The following TRIM55 variants were observed in gnomAD, a reference collection of about 807,000 sequenced individuals.
TRIM55 encodes tripartite motif-containing protein 55.
In TRIM55, 50 loss-of-function variants were observed where a neutral mutation model predicts 60.9. That is an observed-to-expected ratio of 0.82 (90% CI 0.65 to 1.04). The LOEUF (loss-of-function observed/expected upper bound fraction) is 1.04, where lower values mean the gene tolerates loss of function less well. Ranked by LOEUF, TRIM55 falls within the 50% of genes least tolerant of loss-of-function variation. TRIM55 has a pLI of 0.00. For missense variants in TRIM55, 681 were observed against 666.9 expected (o/e 1.02, Z -0.23); for synonymous variants, 237 against 238.1 (o/e 1.00, Z 0.04).
At chr8:66,170,516 T>C (rs1206432697) in intron 9 of TRIM55, among the ~76,000 whole-genome samples, 1 of 152,198 alleles carries the variant, frequency 6.6e-6, no homozygotes, top group Admixed American at 6.5e-5. Flanking sequence ...AAGGATGGAC[T>C]CTTGGGTTGT....
intron 4 of TRIM55, among the ~76,000 whole-genome samples, chr8:66,147,733 T>A (rs1810172536): frequency 6.9e-6 from 1 of 144,624 alleles, no homozygotes; most frequent in East Asian, 2.0e-4. Context: ...AGGTGGAGCT[T>A]GCAGTGAGCC....
chr8:66,170,395 T>A (rs551725436), intron 9 of TRIM55, among the ~76,000 whole-genome samples: 1 of 152,198 alleles, frequency 6.6e-6, no homozygotes, highest in African/African-American at 2.4e-5. Context: ...TTCATCCACA[T>A]TGTAGCATGT....
chr8:66,150,770 G>A (rs1177154375), intron 7 of TRIM55, among the ~76,000 whole-genome samples: 5 of 151,938 alleles, frequency 3.3e-5, no homozygotes, highest in African/African-American at 7.3e-5. Context: ...GGGTTCAAGC[G>A]ATTCTCCCGC....
intron 9 of TRIM55, among the ~76,000 whole-genome samples, chr8:66,173,327 A>G (rs1264035841): frequency 6.6e-6 from 1 of 152,198 alleles, no homozygotes; most frequent in Non-Finnish European, 1.5e-5. Flanking sequence ...TGCTCTTGAA[A>G]CATCATCCCC....
intron 9 of TRIM55, among the ~76,000 whole-genome samples, chr8:66,166,157 C>G (rs750057055): frequency 3.0e-4 from 46 of 152,184 alleles, no homozygotes; most frequent in Middle Eastern, 3.2e-3. Flanking sequence ...CTACATTTCT[C>G]AGGATCAAAT....
At chr8:66,116,617 A>AAAAG in the TRIM55 span, among the ~76,000 whole-genome samples, 1 of 89,950 alleles carries the variant, frequency 1.1e-5, no homozygotes, top group South Asian at 3.0e-4. Context: ...AAAAAAAAAA[A>AAAAG]AAAGAAAGAA....
chr8:66,144,133 C>A (rs1336842368), intron 4 of TRIM55, among the ~76,000 whole-genome samples: 3 of 152,146 alleles, frequency 2.0e-5, no homozygotes, highest in Non-Finnish European at 4.4e-5. Flanking sequence ...ATGATGGCAA[C>A]AGTTCAACAA....
chr8:66,156,222 G>A (rs1487473667), intron 9 of TRIM55, among the ~76,000 whole-genome samples: 1 of 152,178 alleles, frequency 6.6e-6, no homozygotes. Context: ...GTGAGCAGGT[G>A]GGTTCTCTTT....
At chr8:66,125,316 C>G (rs1055277211), upstream of TRIM55, among the ~76,000 whole-genome samples, 1 of 152,190 alleles carries the variant, frequency 6.6e-6, no homozygotes, top group African/African-American at 2.4e-5. Context: ...GTCTCATCTC[C>G]ACTCTTATAC....
chr8:66,142,395 T>C (rs971290030), intron 4 of TRIM55, among the ~76,000 whole-genome samples: 7 of 152,202 alleles, frequency 4.6e-5, no homozygotes, highest in African/African-American at 1.7e-4. Context: ...ACTGGAAATA[T>C]AGGCAACCAA....
intron 9 of TRIM55, among the ~76,000 whole-genome samples, chr8:66,162,581 G>A (rs1563390824): frequency 6.6e-6 from 1 of 151,852 alleles, no homozygotes; most frequent in Non-Finnish European, 1.5e-5. Flanking sequence ...TTGGAGTAGG[G>A]TCAATAGGAT....
intron 2 of TRIM55, among the ~76,000 whole-genome samples, chr8:66,129,350 A>G (rs1809010701): frequency 6.6e-6 from 1 of 152,174 alleles, no homozygotes; most frequent in Non-Finnish European, 1.5e-5. Context: ...TGATAGCAAT[A>G]TTGAGACCAT....
At chr8:66,132,987 A>C (rs1357863231) in intron 2 of TRIM55, among the ~76,000 whole-genome samples, 1 of 152,232 alleles carries the variant, frequency 6.6e-6, no homozygotes, top group Non-Finnish European at 1.5e-5. Context: ...CTCTGGTCAC[A>C]GCTGTTGATA....
At chr8:66,141,184 G>A (rs1563371903) in intron 4 of TRIM55, among the ~76,000 whole-genome samples, 1 of 152,218 alleles carries the variant, frequency 6.6e-6, no homozygotes, top group Non-Finnish European at 1.5e-5. Context: ...AATAATGTCT[G>A]CATTAACATG....
At position 66,151,897 on chromosome 8, in the gene TRIM55, A is replaced by T. The variant is rs141174412; in HGVS notation, c.986-480A>T. On this transcript the variant is annotated intron_variant, in intron 7 of 9. Transcript: ENST00000315962. Reference sequence around the variant, plus strand: ...ATAAATAAATAAATAAATAAATAAAAGAGTCGTGACATTAATTATGGCAAA... The same window carrying T: ...ATAAATAAATAAATAAATAAATAAATGAGTCGTGACATTAATTATGGCAAA... Among the ~76,000 whole-genome samples the T allele has an allele frequency of 2.7e-3, 402 of 148,878 alleles. 1 individual carries two copies. Among genetic ancestry groups the T allele is most frequent in the Admixed American group, 4.3e-3 (65 of 14,952 alleles).
the TRIM55 span, among the ~76,000 whole-genome samples, chr8:66,119,860 A>G: frequency 6.6e-6 from 1 of 152,238 alleles, no homozygotes; most frequent in Middle Eastern, 3.2e-3. Context: ...ATTTAGTTTC[A>G]GAGCTGCACT....
At position 66,150,379 on chromosome 8, in the gene TRIM55, A is replaced by C; in HGVS notation, c.898A>C (p.Ile300Leu). 6.2e-7 allele frequency: 1 copy of C among 1,614,222 alleles called. No homozygotes were observed. Among genetic ancestry groups the C allele is most frequent in the Non-Finnish European group, 8.5e-7 (1 of 1,180,036 alleles). The change falls in exon 7 of 10, where the codon ATA becomes CTA. Residue 300 changes from isoleucine (I) to leucine (L), a missense_variant. Ile to Leu is a conservative substitution (Grantham distance 5). Coordinates refer to ENST00000315962, the MANE Select transcript of TRIM55 (RefSeq NM_184085.2). ...ATCAAAGGCATTTCAGATGGAGAAAATAGAACATGGCTATGAGAACATGAA... is the reference window on the plus strand; with the variant it reads ...ATCAAAGGCATTTCAGATGGAGAAACTAGAACATGGCTATGAGAACATGAA... The part of the protein sequence containing the change: ...EASKAFQMEK[I>L]EHGYENMNHF...
At chr8:66,119,933 C>T in the TRIM55 span, among the ~76,000 whole-genome samples, 1 of 152,178 alleles carries the variant, frequency 6.6e-6, no homozygotes, top group Non-Finnish European at 1.5e-5. Context: ...AGATATAGAA[C>T]ATTTCCATCA....
chr8:66,146,563 T>C (rs144909747), intron 4 of TRIM55, among the ~76,000 whole-genome samples: 3 of 152,346 alleles, frequency 2.0e-5, no homozygotes, highest in African/African-American at 7.2e-5. Flanking sequence ...CATCTTAATA[T>C]AATACTCATA....
Sources: gnomAD v4.1 joint callset for allele counts (sites outside exome capture counted in the v4.1 genomes callset) on GRCh38, gnomAD v4.1.1 for gene constraint, MANE v1.5 for transcripts, NCBI Gene and HGNC (gene_info 2026-07-23, HGNC 2026-07-21) for gene names.